The following GNG7 variants were observed in gnomAD, a reference collection of about 807,000 sequenced individuals.
The protein encoded by GNG7 is G protein subunit gamma 7.
GNG7 carries 1 observed loss-of-function variant against 4.0 expected under a neutral mutation model. The observed-to-expected ratio is 0.25, with a 90% confidence interval of 0.09 to 1.18. GNG7 has a LOEUF of 1.18. Among genes scored for constraint, GNG7 ranks in the 50% most tolerant of loss-of-function variants. GNG7 has a pLI of 0.50. For synonymous variants in GNG7, 34 were observed against 36.9 expected (o/e 0.92, Z 0.29); for missense variants, 86 against 91.9 (o/e 0.94, Z 0.26).
chr19:2,656,029 C>CAAAAAAAAAAAAAAAAAAAA (rs55687607), intron 1 of GNG7, among the ~76,000 whole-genome samples: 1 of 98,086 alleles, frequency 1.0e-5, no homozygotes, highest in African/African-American at 3.7e-5. Context: ...CGATTCAAAA[C>CAAAAAAAAAAAAAAAAAAAA]AAAAAAAAAA....
intron 1 of GNG7, among the ~76,000 whole-genome samples, chr19:2,651,895 C>A (rs987492349): frequency 1.2e-4 from 18 of 151,628 alleles, no homozygotes; most frequent in African/African-American, 3.9e-4. Flanking sequence ...TTAAAATAGG[C>A]CGGGTGCAGT....
At chr19:2,675,782 G>T (rs970432844) in intron 1 of GNG7, among the ~76,000 whole-genome samples, 1 of 152,178 alleles carries the variant, frequency 6.6e-6, no homozygotes, top group Non-Finnish European at 1.5e-5. Flanking sequence ...ACACTGCTCA[G>T]CACCCTGCAG....
intron 4 of GNG7, among the ~76,000 whole-genome samples, chr19:2,518,122 C>T (rs898619227): frequency 5.9e-5 from 9 of 152,194 alleles, no homozygotes; most frequent in African/African-American, 2.2e-4. Flanking sequence ...ATGCCCACTG[C>T]GCTGGGCTGG....
At chr19:2,576,352 G>T (rs922468090) in intron 2 of GNG7, among the ~76,000 whole-genome samples, 1 of 152,184 alleles carries the variant, frequency 6.6e-6, no homozygotes, top group Non-Finnish European at 1.5e-5. Context: ...CTGGGAATCC[G>T]CCCTGGGTGG....
rs879576466 is a variant in GNG7 at position 2,611,880 on chromosome 19, CT to C, written c.-78+34343del. On this transcript the variant is annotated intron_variant, in intron 2 of 4. Transcript: ENST00000382159. The surrounding 1 kb of genome is among the most constrained non-coding windows in gnomAD (Gnocchi z 6.0). ...AGTAAAAGTAAATAAAAATAAAAATCTTTTTTTTTTTTGAGATGGAGTCTCG... is the reference window on the plus strand; with the variant it reads ...AGTAAAAGTAAATAAAAATAAAAATCTTTTTTTTTTTGAGATGGAGTCTCG... 790 of 145,878 alleles carry C rather than the reference CT, an allele frequency of 5.4e-3. 7 individuals are homozygous for C. The highest frequency in any genetic ancestry group is 0.017 in the African/African-American group (670 of 39,958). The allele number at this position is 145,878 out of a possible 1,614,324, so 9.0% of individuals were successfully genotyped here.
chr19:2,534,154 C>T (rs768526212), intron 3 of GNG7, among the ~76,000 whole-genome samples: 8 of 152,130 alleles, frequency 5.3e-5, no homozygotes, highest in Non-Finnish European at 1.0e-4. Context: ...CATCCTCATC[C>T]GCTGTGACTG....
chr19:2,556,924 C>T (rs1175574653), intron 2 of GNG7, among the ~76,000 whole-genome samples: 2 of 152,178 alleles, frequency 1.3e-5, no homozygotes, highest in East Asian at 3.9e-4. Flanking sequence ...TGCCCCGGGT[C>T]CCCTGGGGGG....
chr19:2,521,934 G>C (rs897935579), intron 3 of GNG7, among the ~76,000 whole-genome samples: 1 of 152,076 alleles, frequency 6.6e-6, no homozygotes, highest in African/African-American at 2.4e-5. Context: ...TATTGAACCA[G>C]TCAGGAGCCC....
At chr19:2,604,883 A>T (rs1981331291) in intron 2 of GNG7, among the ~76,000 whole-genome samples, 1 of 152,178 alleles carries the variant, frequency 6.6e-6, no homozygotes, top group South Asian at 2.1e-4. Context: ...AACCACCTGA[A>T]ATCCTGGGAT....
intron 2 of GNG7, among the ~76,000 whole-genome samples, chr19:2,572,293 A>G (rs917717376): frequency 1.3e-5 from 2 of 152,010 alleles, no homozygotes; most frequent in African/African-American, 4.8e-5. Flanking sequence ...ATCTGGGACT[A>G]TAGGTGCATG....
chr19:2,513,134 C>G lies in GNG7; in HGVS notation c.*1888G>C. 5 of 985,308 alleles carry G rather than the reference C, an allele frequency of 5.1e-6. No homozygotes were observed. The highest frequency in any genetic ancestry group is 6.0e-6 in the Non-Finnish European group (5 of 829,834). The allele number at this position is 985,308 out of a possible 1,614,324, so 61.0% of individuals were successfully genotyped here. ...GTGGAGGTCACTCCCCCGACACCTGCACACACACCCGGAGCCCTCTAGCCT... is the reference window on the plus strand; with the variant it reads ...GTGGAGGTCACTCCCCCGACACCTGGACACACACCCGGAGCCCTCTAGCCT... On this transcript the variant is annotated 3_prime_UTR_variant, in exon 5 of 5. Transcript: ENST00000382159.
At chr19:2,695,851 A>G (rs1913232599) in intron 1 of GNG7, among the ~76,000 whole-genome samples, 1 of 152,094 alleles carries the variant, frequency 6.6e-6, no homozygotes, top group Non-Finnish European at 1.5e-5. Context: ...GGGAGCACTG[A>G]GATGGGAAAG....
rs530287303 is a variant in GNG7 at position 2,686,337 on chromosome 19, T to C, written c.-135+16309A>G. Among the ~76,000 whole-genome samples, 613 of 152,244 alleles carry C rather than the reference T, an allele frequency of 4.0e-3. 5 individuals are homozygous for C. Among genetic ancestry groups the C allele is most frequent in the South Asian group, 0.02 (98 of 4,822 alleles). On this transcript the variant is annotated intron_variant, in intron 1 of 4. Transcript: ENST00000382159. ...CACGCCTGGCTAATTCTTGTATTTT[T>C]AGTAGAGACGGGGTTTCACCACATT...
chr19:2,600,322 T>A (rs571761667), intron 2 of GNG7, among the ~76,000 whole-genome samples: 2 of 152,100 alleles, frequency 1.3e-5, no homozygotes, highest in African/African-American at 4.8e-5. Context: ...CAAATTTCTT[T>A]CATGTCTGGC....
At chr19:2,635,050 C>T (rs760642319) in intron 2 of GNG7, among the ~76,000 whole-genome samples, 4 of 152,168 alleles carry the variant, frequency 2.6e-5, no homozygotes, top group Non-Finnish European at 5.9e-5. Context: ...CTGTGGACAT[C>T]GGAGCCGGAT....
chr19:2,616,369 C>T (rs868803429), intron 2 of GNG7, among the ~76,000 whole-genome samples: 23 of 152,016 alleles, frequency 1.5e-4, no homozygotes, highest in Non-Finnish European at 2.8e-4. Flanking sequence ...CTCAGCCTCC[C>T]GAGTAGCTGG....
intron 3 of GNG7, among the ~76,000 whole-genome samples, chr19:2,549,503 C>A (rs1001797498): frequency 1.2e-4 from 18 of 152,106 alleles, no homozygotes; most frequent in Non-Finnish European, 4.4e-5. Flanking sequence ...CTTGGCCAGG[C>A]TGGTCTTGAA....
chr19:2,536,662 CAG>C (rs1435572312), intron 3 of GNG7, among the ~76,000 whole-genome samples: 1 of 152,168 alleles, frequency 6.6e-6, no homozygotes, highest in African/African-American at 2.4e-5. Flanking sequence ...GAGGTCCCGA[CAG>C]GGAGGACTTT....
In GNG7 at chr19:2,511,349, C is replaced by G. The variant is rs1972652665; in HGVS notation, c.*3673G>C. 6.6e-6 allele frequency: 1 copy of G among 152,300 alleles called. No individual in the cohort carries two copies. Among genetic ancestry groups the G allele is most frequent in the Non-Finnish European group, 1.5e-5 (1 of 68,098 alleles). 9.4% of individuals were successfully genotyped at this position (152,300 alleles called of 1,614,324 possible). A position where few individuals can be genotyped will look rare whatever the true frequency, so the allele number is the denominator to read the frequency against. On this transcript the variant is annotated 3_prime_UTR_variant, in exon 5 of 5. Transcript: ENST00000382159. The surrounding 1 kb of genome is among the most constrained non-coding windows in gnomAD (Gnocchi z 6.3). ...TTAAAAAAGTCAGAAATAAAAACAA[C>G]CAGACATCCCAATGCAGATGGCATA... is the stretch of plus-strand genomic sequence containing the variant.
Sources: allele counts gnomAD v4.1 joint callset (sites outside exome capture counted in the v4.1 genomes callset), GRCh38; gene constraint gnomAD v4.1.1; non-coding constraint Gnocchi (gnomAD v3.1); transcripts MANE v1.5; gene names NCBI Gene and HGNC (gene_info 2026-07-23, HGNC 2026-07-21).